The following SLC2A9 variants were observed in gnomAD, a reference collection of about 807,000 sequenced individuals.
SLC2A9 encodes solute carrier family 2, facilitated glucose transporter member 9.
A neutral mutation model predicts 50.6 loss-of-function variants in SLC2A9; 39 were observed. The observed-to-expected ratio is 0.77, with a 90% confidence interval of 0.60 to 1.01. SLC2A9 has a LOEUF of 1.01. Among genes scored for constraint, SLC2A9 ranks in the 50% least tolerant of loss-of-function variants. The pLI is 0.00. For synonymous variants in SLC2A9, 324 were observed against 276.9 expected, an observed-to-expected ratio of 1.17 and a Z score of -1.69; for missense variants, 686 against 677.6, an observed-to-expected ratio of 1.01 and a Z score of -0.14.
chr4:10,026,007 C>A, upstream of SLC2A9: 2 of 1,605,214 alleles, frequency 1.2e-6, no homozygotes, highest in Non-Finnish European at 1.7e-6. Context: ...GTTATTGTTT[C>A]TGAGAAAGAG....
chr4:9,834,580 G>A (rs1726713208), intron 11 of SLC2A9, among the ~76,000 whole-genome samples: 1 of 152,174 alleles, frequency 6.6e-6, no homozygotes, highest in Non-Finnish European at 1.5e-5. Context: ...TGAGCACATT[G>A]TAAAAATGAT....
chr4:9,857,286 T>A (rs776325484), intron 10 of SLC2A9, among the ~76,000 whole-genome samples: 19 of 152,146 alleles, frequency 1.2e-4, no homozygotes, highest in Non-Finnish European at 2.6e-4. Context: ...AGCATTTGTT[T>A]GTTCATTCAG....
At chr4:9,795,007 C>CT (rs3060726), downstream of SLC2A9, among the ~76,000 whole-genome samples, 23,482 of 94,780 alleles carry the variant, frequency 0.25, 3,342 homozygotes, top group East Asian at 0.47. Context: ...TTAACCCATC[C>CT]TTTTTTTTTT....
chr4:9,836,941 G>A (rs1242266971), intron 10 of SLC2A9, among the ~76,000 whole-genome samples: 8 of 152,140 alleles, frequency 5.3e-5, no homozygotes, highest in East Asian at 1.9e-4. Context: ...TTAGCAAGCC[G>A]ACCCAACCAA....
intron 2 of SLC2A9, among the ~76,000 whole-genome samples, chr4:10,001,954 T>G (rs959663642): frequency 6.6e-6 from 1 of 152,194 alleles, no homozygotes; most frequent in African/African-American, 2.4e-5. Context: ...GAAGTGGACA[T>G]GTGACCAAGG....
intron 5 of SLC2A9, among the ~76,000 whole-genome samples, chr4:9,948,449 G>T (rs993096691): frequency 6.6e-6 from 1 of 152,238 alleles, no homozygotes; most frequent in African/African-American, 2.4e-5. Context: ...TGCGTCACCT[G>T]CAGTGAATGG....
chr4:9,786,152 A>G (rs1184365286), intron 3 of SLC2A9, among the ~76,000 whole-genome samples: 1 of 152,212 alleles, frequency 6.6e-6, no homozygotes, highest in Non-Finnish European at 1.5e-5. Flanking sequence ...CAATTGCAGC[A>G]GGCATGATGG....
At chr4:9,953,313 T>A (rs938188036) in intron 5 of SLC2A9, among the ~76,000 whole-genome samples, 1 of 152,122 alleles carries the variant, frequency 6.6e-6, no homozygotes, top group Non-Finnish European at 1.5e-5. Context: ...TGACGAGAGG[T>A]CCCACACTGT....
intron 8 of SLC2A9, among the ~76,000 whole-genome samples, chr4:9,905,987 C>T (rs1001517226): frequency 2.0e-5 from 3 of 152,222 alleles, no homozygotes; most frequent in African/African-American, 7.2e-5. Flanking sequence ...AAATCCTGCT[C>T]TCCACAAGGA....
chr4:9,980,815 G>C, intron 4 of SLC2A9, 78 bp from the exon 5 acceptor site: 1 of 1,593,552 alleles, frequency 6.3e-7, no homozygotes, highest in South Asian at 1.1e-5. Context: ...TGCCTCTCTT[G>C]GCTCTGCTTT....
At chr4:9,786,220 G>C (rs1719199717) in intron 3 of SLC2A9, among the ~76,000 whole-genome samples, 1 of 152,242 alleles carries the variant, frequency 6.6e-6, no homozygotes, top group Non-Finnish European at 1.5e-5. Context: ...TCGCTGCCCT[G>C]TGAGGTAAGC....
intron 4 of SLC2A9, among the ~76,000 whole-genome samples, chr4:9,981,368 G>C (rs951740596): frequency 1.3e-5 from 2 of 151,100 alleles, no homozygotes; most frequent in African/African-American, 4.9e-5. Context: ...GGTGATGGTG[G>C]TCACAATGAT....
intron 5 of SLC2A9, among the ~76,000 whole-genome samples, chr4:9,945,205 T>A (rs923979191): frequency 3.9e-5 from 6 of 152,366 alleles, no homozygotes; most frequent in Middle Eastern, 3.4e-3. Context: ...TGTCTGGATT[T>A]GAATTCTGCC....
intron 1 of SLC2A9, chr4:10,034,090 C>G (rs533402268): frequency 2.6e-5 from 4 of 152,296 alleles, no homozygotes; most frequent in African/African-American, 9.6e-5. Context: ...CAGAACGTCC[C>G]GTGCTGGATC....
intron 6 of SLC2A9, 45 bp downstream of exon 6, chr4:9,941,868 T>C (rs751085170): frequency 4.3e-6 from 7 of 1,612,640 alleles, no homozygotes; most frequent in Non-Finnish European, 5.1e-6. Flanking sequence ...GCAGTGATGA[T>C]CTATGCAGGG....
chr4:9,888,285 ATATG>A, intron 9 of SLC2A9, among the ~76,000 whole-genome samples: 1 of 150,664 alleles, frequency 6.6e-6, no homozygotes, highest in East Asian at 1.9e-4. Flanking sequence ...ATATATATAT[ATATG>A]TATATATATG....
Position 9,862,892 on chromosome 4 carries a change from G to C in SLC2A9, c.1291+24675C>G, listed in dbSNP as rs549368224. Reference sequence around the variant, plus strand: ...TTCGCTGGGGTATCTCCTGTGCCTGGATCAACATAAGAAGTGCTTGATTAA... The same window carrying C: ...TTCGCTGGGGTATCTCCTGTGCCTGCATCAACATAAGAAGTGCTTGATTAA... On this transcript the variant is annotated intron_variant, in intron 10 of 11. Transcript: ENST00000264784. Among the ~76,000 whole-genome samples, 3 of 152,078 alleles carry C rather than the reference G, an allele frequency of 2.0e-5. No individual in the cohort carries two copies. The East Asian group carries it at 5.8e-4, about 29-fold the overall frequency.
chr4:9,951,244 A>G (rs1284952629), intron 5 of SLC2A9, among the ~76,000 whole-genome samples: 1 of 152,220 alleles, frequency 6.6e-6, no homozygotes, highest in Non-Finnish European at 1.5e-5. Flanking sequence ...GCACAAAAAG[A>G]CAAATATTGC....
At chr4:9,796,271 G>A (rs1457447377), downstream of SLC2A9, among the ~76,000 whole-genome samples, 1 of 152,160 alleles carries the variant, frequency 6.6e-6, no homozygotes, top group East Asian at 1.9e-4. Flanking sequence ...GAGCGCATTT[G>A]CCTGACCTTA....
Sources: gnomAD v4.1 joint callset for allele counts (sites outside exome capture counted in the v4.1 genomes callset) on GRCh38, gnomAD v4.1.1 for gene constraint, MANE v1.5 for transcripts, NCBI Gene and HGNC (gene_info 2026-07-23, HGNC 2026-07-21) for gene names.